The following TRDN variants were observed in gnomAD, a reference collection of about 807,000 sequenced individuals.
The protein encoded by TRDN is triadin.
Under a neutral mutation model 149.7 loss-of-function variants are expected in TRDN, and 161 were observed. The ratio of observed to expected loss-of-function variants is 1.08; its 90% CI spans 0.95 to 1.23. The LOEUF (loss-of-function observed/expected upper bound fraction) is 1.23, where lower values mean the gene tolerates loss of function less well. TRDN is among the 50% of genes most tolerant of loss of function. The pLI, the probability that TRDN is intolerant of heterozygous loss-of-function variation, is 0.00. For synonymous variants in TRDN, 294 were observed against 250.5 expected, an observed-to-expected ratio of 1.17 and a Z score of -1.64; for missense variants, 896 against 823.5, an observed-to-expected ratio of 1.09 and a Z score of -1.08.
chr6:123,349,855 T>C (rs180894765), intron 21 of TRDN: 12 of 985,348 alleles, frequency 1.2e-5, no homozygotes, highest in African/African-American at 7.0e-5. Flanking sequence ...AGGACAGTGA[T>C]AGATTTACAA....
At chr6:123,523,869 G>T (rs538991352) in intron 5 of TRDN, among the ~76,000 whole-genome samples, 2 of 152,166 alleles carry the variant, frequency 1.3e-5, no homozygotes, top group African/African-American at 2.4e-5. Flanking sequence ...TAAACAGAGG[G>T]TGCAGGCCCC....
chr6:123,546,210 A>T (rs926578312), intron 4 of TRDN, among the ~76,000 whole-genome samples: 1 of 152,126 alleles, frequency 6.6e-6, no homozygotes, highest in Non-Finnish European at 1.5e-5. Context: ...TTGAGTTCTC[A>T]TTCTGGATTT....
chr6:123,591,491 C>A (rs1306617413), intron 1 of TRDN, among the ~76,000 whole-genome samples: 1 of 152,170 alleles, frequency 6.6e-6, no homozygotes, highest in Non-Finnish European at 1.5e-5. Flanking sequence ...GATGATCCAC[C>A]TGTCTCAGCC....
intron 37 of TRDN, 136 bp downstream of exon 37, chr6:123,254,945 T>C (rs1457163159): frequency 1.6e-6 from 1 of 612,838 alleles, no homozygotes; most frequent in Admixed American, 2.2e-5. Flanking sequence ...TTTCTACCTG[T>C]CCACTTCCTC....
intron 20 of TRDN, among the ~76,000 whole-genome samples, chr6:123,360,066 G>T (rs183590787): frequency 1.3e-5 from 2 of 152,044 alleles, no homozygotes; most frequent in Non-Finnish European, 1.5e-5. Context: ...GGAAGCGCAG[G>T]TTTGTTACAT....
intron 2 of TRDN, among the ~76,000 whole-genome samples, chr6:123,561,152 G>C (rs538317053): frequency 1.6e-3 from 248 of 152,272 alleles, no homozygotes; most frequent in African/African-American, 5.5e-3. Context: ...CCTTCTGTGA[G>C]ACATAATTCC....
At chr6:123,282,069 A>G (rs993618142) in intron 24 of TRDN, among the ~76,000 whole-genome samples, 2 of 152,002 alleles carry the variant, frequency 1.3e-5, no homozygotes, top group African/African-American at 2.4e-5. Flanking sequence ...AGATACAGAG[A>G]TGGACAAACA....
rs78456902 is a variant in TRDN, at chr6:123,376,103, G to T, written c.1247-472C>A. Among the ~76,000 whole-genome samples, 449 of 152,184 alleles carry T rather than the reference G, an allele frequency of 3.0e-3. 12 individuals are homozygous for T. The East Asian group carries it at 0.073, about 25-fold the overall frequency. The stretch of plus-strand genomic sequence containing the variant: ...TGAAAAAAATAGATAATAATTTCAA[G>T]CAATTTATTGTATTTTGTCAGGTTC... On this transcript the variant is annotated intron_variant, in intron 18 of 40. Transcript: ENST00000334268.
intron 21 of TRDN, among the ~76,000 whole-genome samples, chr6:123,338,553 C>T (rs1179244708): frequency 1.3e-5 from 2 of 152,152 alleles, no homozygotes; most frequent in African/African-American, 4.8e-5. Context: ...CAGCCAACAG[C>T]TAGTATCAAC....
At chr6:123,520,521 A>T (rs537694157) in intron 5 of TRDN, among the ~76,000 whole-genome samples, 1 of 152,308 alleles carries the variant, frequency 6.6e-6, no homozygotes, top group Admixed American at 6.5e-5. Flanking sequence ...CAAGCACATT[A>T]TCTGTGATCT....
intron 9 of TRDN, among the ~76,000 whole-genome samples, chr6:123,491,156 G>A (rs909254634): frequency 1.3e-5 from 2 of 150,584 alleles, no homozygotes; most frequent in African/African-American, 4.9e-5. Context: ...AAGGAAGGAA[G>A]GAAGGAAATG....
intron 31 of TRDN, 39 bp from the exon 32 acceptor site, chr6:123,267,790 T>G: frequency 1.3e-6 from 2 of 1,504,226 alleles, no homozygotes; most frequent in South Asian, 2.5e-5. Context: ...AATCTGTGGA[T>G]TCTTTGGCAA....
At chr6:123,558,700 C>T in intron 2 of TRDN, among the ~76,000 whole-genome samples, 1 of 152,154 alleles carries the variant, frequency 6.6e-6, no homozygotes, top group East Asian at 1.9e-4. Flanking sequence ...AATTCCAGCC[C>T]TCAAACCCCA....
At chr6:123,488,718 T>C (rs1778079579) in intron 9 of TRDN, 1 of 151,854 alleles carries the variant, frequency 6.6e-6, no homozygotes, top group Non-Finnish European at 1.5e-5. Context: ...TGTTTTTTTT[T>C]TTTTTTTCTA....
intron 8 of TRDN, among the ~76,000 whole-genome samples, chr6:123,501,305 G>T (rs941936044): frequency 1.3e-5 from 2 of 150,968 alleles, no homozygotes; most frequent in Admixed American, 1.3e-4. Flanking sequence ...TCTTTAAAAA[G>T]AAGTATTTAG....
At chr6:123,465,807 T>G (rs1776765346) in intron 9 of TRDN, among the ~76,000 whole-genome samples, 1 of 152,162 alleles carries the variant, frequency 6.6e-6, no homozygotes, top group Admixed American at 6.5e-5. Flanking sequence ...TATCCAGAAA[T>G]CAACATGCAA....
chr6:123,612,044 A>G (rs937932748), intron 1 of TRDN, among the ~76,000 whole-genome samples: 1 of 151,848 alleles, frequency 6.6e-6, no homozygotes, highest in Non-Finnish European at 1.5e-5. Context: ...AGTGTTCTAC[A>G]AAACAAAGAG....
chr6:123,489,829 C>A (rs1260395547), intron 9 of TRDN, among the ~76,000 whole-genome samples: 2 of 151,918 alleles, frequency 1.3e-5, no homozygotes, highest in Non-Finnish European at 2.9e-5. Context: ...ATAGTGTTGA[C>A]TGAAGTATTA....
At chr6:123,526,829 C>T (rs1779974397) in intron 5 of TRDN, among the ~76,000 whole-genome samples, 1 of 151,706 alleles carries the variant, frequency 6.6e-6, no homozygotes, top group Non-Finnish European at 1.5e-5. Flanking sequence ...TCAAATGATA[C>T]TAAAGATAGA....
Sources: gnomAD v4.1 joint callset for allele counts (sites outside exome capture counted in the v4.1 genomes callset) on GRCh38, gnomAD v4.1.1 for gene constraint, MANE v1.5 for transcripts, NCBI Gene and HGNC (gene_info 2026-07-23, HGNC 2026-07-21) for gene names.